WARS2: variants seen among roughly 807,000 people sequenced by gnomAD.
WARS2 encodes tryptophanyl tRNA synthetase 2, mitochondrial.
In WARS2, 28 loss-of-function variants were observed where a neutral mutation model predicts 36.5. The ratio of observed to expected loss-of-function variants is 0.77; its 90% CI spans 0.57 to 1.05. The LOEUF is 1.05. Among genes scored for constraint, WARS2 ranks in the 50% least tolerant of loss-of-function variants. The pLI, the probability that WARS2 is intolerant of heterozygous loss-of-function variation, is 0.00. For missense variants in WARS2, 435 were observed against 456.8 expected (o/e 0.95, Z 0.44); for synonymous variants, 174 against 178.4 (o/e 0.98, Z 0.20).
chr1:119,057,414 G>C (rs970401487), intron 2 of WARS2, among the ~76,000 whole-genome samples: 4 of 151,786 alleles, frequency 2.6e-5, no homozygotes, highest in African/African-American at 9.7e-5. Flanking sequence ...AAAGTGCTGG[G>C]ATTACAGGCG....
intron 2 of WARS2, among the ~76,000 whole-genome samples, chr1:119,046,005 ACTCTCT>A (rs151261218): frequency 6.6e-6 from 1 of 150,976 alleles, no homozygotes; most frequent in African/African-American, 2.4e-5. Context: ...GCACACACAC[ACTCTCT>A]CTCTCTCTAT....
At chr1:119,137,888 T>G (rs1292939075) in intron 1 of WARS2, among the ~76,000 whole-genome samples, 2 of 152,172 alleles carry the variant, frequency 1.3e-5, no homozygotes, top group African/African-American at 4.8e-5. Context: ...TGCCAACATT[T>G]TTACCCAAGA....
At chr1:119,115,283 A>G (rs1488686037) in intron 1 of WARS2, among the ~76,000 whole-genome samples, 1 of 152,200 alleles carries the variant, frequency 6.6e-6, no homozygotes, top group East Asian at 1.9e-4. Context: ...GCTTTGCCCA[A>G]TTAAAATATG....
chr1:119,128,773 T>C (rs993181576), intron 1 of WARS2, among the ~76,000 whole-genome samples: 1 of 152,128 alleles, frequency 6.6e-6, no homozygotes, highest in Non-Finnish European at 1.5e-5. Context: ...GGAAACTGGC[T>C]GACTTTATAT....
intron 1 of WARS2, among the ~76,000 whole-genome samples, chr1:119,110,839 TA>T: frequency 6.6e-6 from 1 of 152,276 alleles, no homozygotes; most frequent in East Asian, 1.9e-4. Context: ...GTTTATCTTT[TA>T]TTTTTTCTCA....
chr1:119,076,876 G>C (rs950497970), intron 1 of WARS2, among the ~76,000 whole-genome samples: 2 of 151,888 alleles, frequency 1.3e-5, no homozygotes, highest in African/African-American at 2.4e-5. Context: ...GTGGTGGCTC[G>C]TGCCTGTAAT....
chr1:119,053,931 C>G (rs1649566494), intron 2 of WARS2, among the ~76,000 whole-genome samples: 2 of 151,986 alleles, frequency 1.3e-5, no homozygotes, highest in African/African-American at 4.8e-5. Context: ...GAGGTATGTA[C>G]CTGTAGTCCC....
intron 1 of WARS2, among the ~76,000 whole-genome samples, chr1:119,086,397 T>C (rs1652670960): frequency 6.6e-6 from 1 of 152,230 alleles, no homozygotes; most frequent in South Asian, 2.1e-4. Context: ...TTACTAAACA[T>C]GCGAGGATTA....
chr1:119,108,298 C>T (rs1005428988), intron 1 of WARS2, among the ~76,000 whole-genome samples: 2 of 151,954 alleles, frequency 1.3e-5, no homozygotes, highest in Non-Finnish European at 2.9e-5. Flanking sequence ...AGTTCATCAG[C>T]GAACCCATCA....
chr1:119,053,445 C>A (rs2101164971), intron 2 of WARS2, among the ~76,000 whole-genome samples: 1 of 152,226 alleles, frequency 6.6e-6, no homozygotes, highest in Middle Eastern at 3.4e-3. Context: ...ACTAGTACAT[C>A]CCCCAAATTA....
intron 4 of WARS2, among the ~76,000 whole-genome samples, chr1:119,041,640 T>A (rs941446066): frequency 1.3e-5 from 2 of 152,226 alleles, no homozygotes; most frequent in Non-Finnish European, 2.9e-5. Context: ...TAGCCACACA[T>A]GTGGCTACTG....
intron 4 of WARS2, among the ~76,000 whole-genome samples, chr1:119,038,490 A>G (rs372725902): frequency 2.0e-5 from 3 of 152,214 alleles, no homozygotes; most frequent in African/African-American, 7.2e-5. Flanking sequence ...ATGGTCCTCA[A>G]TGGCAGTAGC....
rs187071744 is a variant in WARS2 at position 119,120,331 on chromosome 1, C to T, written c.90+20224G>A. Among the ~76,000 whole-genome samples the T allele has an allele frequency of 4.4e-3, 664 of 151,734 alleles. 5 individuals carry two copies. The highest frequency in any genetic ancestry group is 0.015 in the African/African-American group (619 of 41,418). On this transcript the variant is annotated intron_variant, in intron 1 of 5. Transcript: ENST00000235521. Reference sequence around the variant, plus strand: ...AGATGGATAAATTCCTGGAAATATACAAACTTCCTAGATTAAACCAGGAAG... The same window carrying T: ...AGATGGATAAATTCCTGGAAATATATAAACTTCCTAGATTAAACCAGGAAG...
intron 1 of WARS2, among the ~76,000 whole-genome samples, chr1:119,103,999 A>G (rs1426618773): frequency 6.6e-6 from 1 of 151,102 alleles, no homozygotes; most frequent in East Asian, 1.9e-4. Flanking sequence ...TATATTTTTA[A>G]ATAGAGATAG....
chr1:119,102,092 A>G (rs1485421727), intron 1 of WARS2, among the ~76,000 whole-genome samples: 1 of 151,972 alleles, frequency 6.6e-6, no homozygotes, highest in East Asian at 1.9e-4. Context: ...CAATAATTCG[A>G]TTTAGTTAAA....
intron 1 of WARS2, among the ~76,000 whole-genome samples, chr1:119,111,309 A>G (rs2101500145): frequency 6.6e-6 from 1 of 152,270 alleles, no homozygotes; most frequent in East Asian, 1.9e-4. Flanking sequence ...CAGTCTTATG[A>G]TTAGGTCTCA....
chr1:119,036,643 A>G (rs749897345), intron 4 of WARS2, among the ~76,000 whole-genome samples: 13 of 152,230 alleles, frequency 8.5e-5, no homozygotes, highest in Non-Finnish European at 1.6e-4. Context: ...ATCAAAATGA[A>G]TATTTCCACA....
chr1:119,077,423 G>T (rs1382668790), intron 1 of WARS2, among the ~76,000 whole-genome samples: 2 of 152,106 alleles, frequency 1.3e-5, no homozygotes, highest in Non-Finnish European at 2.9e-5. Context: ...TTAAGGAAAT[G>T]AAGGCCTTAG....
intron 4 of WARS2, among the ~76,000 whole-genome samples, chr1:119,040,043 T>C (rs1341548047): frequency 6.6e-6 from 1 of 152,220 alleles, no homozygotes; most frequent in East Asian, 1.9e-4. Flanking sequence ...ATCTCTGTTA[T>C]AGGGAAAACA....
Sources: allele counts gnomAD v4.1 joint callset (sites outside exome capture counted in the v4.1 genomes callset), GRCh38; gene constraint gnomAD v4.1.1; transcripts MANE v1.5; gene names NCBI Gene and HGNC (gene_info 2026-07-23, HGNC 2026-07-21).